Variants in B4GALNT3 observed in about 807,000 individuals in gnomAD.
B4GALNT3 encodes the protein beta-1,4-N-acetylgalactosaminyltransferase 3.
B4GALNT3 carries 86 observed loss-of-function variants against 120.2 expected under a neutral mutation model. The ratio of observed to expected loss-of-function variants is 0.72; its 90% CI spans 0.60 to 0.86. The LOEUF (loss-of-function observed/expected upper bound fraction) is 0.86. B4GALNT3 is among the 40% of genes least tolerant of loss of function. The pLI is 0.00. For synonymous variants in B4GALNT3, 518 were observed against 510.4 expected (o/e 1.01, Z -0.20); for missense variants, 1,167 against 1,298.9 (o/e 0.90, Z 1.56).
At position 548,177 on chromosome 12, in the gene B4GALNT3, T is replaced by G; in HGVS notation, c.787-54T>G. On this transcript the variant is annotated intron_variant, in intron 8 of 19. Transcript: ENST00000266383. The surrounding 1 kb of genome is among the most constrained non-coding windows in gnomAD (Gnocchi z 4.9). Reference sequence around the variant, plus strand: ...TCTCCCCTTGTCCCTTGACCCCTGTTGGAAATCCAGCTACCTCCCACCTTC... The same window carrying G: ...TCTCCCCTTGTCCCTTGACCCCTGTGGGAAATCCAGCTACCTCCCACCTTC... The G allele has an allele frequency of 6.2e-7, 1 of 1,608,950 alleles. No homozygotes were observed. The highest frequency in any genetic ancestry group is 1.1e-5 in the South Asian group (1 of 90,974).
chr12:545,973 G>A (rs1946999921), intron 6 of B4GALNT3, among the ~76,000 whole-genome samples: 1 of 116,188 alleles, frequency 8.6e-6, no homozygotes, highest in African/African-American at 3.4e-5. Context: ...GGAGGTGAGA[G>A]GAGTGGGGAG....
chr12:553,096 C>T (rs770190276), intron 13 of B4GALNT3, 98 bp from the exon 14 acceptor site: 1 of 1,515,264 alleles, frequency 6.6e-7, no homozygotes, highest in Non-Finnish European at 8.9e-7. Flanking sequence ...TCTGGAGCCC[C>T]ATGGTGCGTC....
At chr12:495,846 A>G (rs958363698) in intron 1 of B4GALNT3, among the ~76,000 whole-genome samples, 1 of 152,198 alleles carries the variant, frequency 6.6e-6, no homozygotes, top group African/African-American at 2.4e-5. Flanking sequence ...TGAGGAGTGC[A>G]GCAGGTGCTC....
At chr12:534,127 T>C (rs769309729) in intron 1 of B4GALNT3, among the ~76,000 whole-genome samples, 2 of 152,184 alleles carry the variant, frequency 1.3e-5, no homozygotes, top group African/African-American at 2.4e-5. Flanking sequence ...GGGAGCTCAG[T>C]GGAAATCCGT....
chr12:515,058 GA>G (rs1267541610), intron 1 of B4GALNT3, among the ~76,000 whole-genome samples: 1 of 152,180 alleles, frequency 6.6e-6, no homozygotes, highest in Non-Finnish European at 1.5e-5. Context: ...TGGAACCAAA[GA>G]CCTTGAGTTC....
At chr12:511,607 TCGAC>T in intron 1 of B4GALNT3, among the ~76,000 whole-genome samples, 1 of 106,242 alleles carries the variant, frequency 9.4e-6, no homozygotes, top group Non-Finnish European at 2.0e-5. Context: ...CCTTCCACCT[TCGAC>T]CTTCTTCCAC....
chr12:524,429 A>G (rs778186125), intron 1 of B4GALNT3, among the ~76,000 whole-genome samples: 3 of 152,162 alleles, frequency 2.0e-5, no homozygotes, highest in Non-Finnish European at 4.4e-5. Flanking sequence ...TAAGATCCTT[A>G]AAAGAGTGTG....
chr12:533,812 C>A (rs76671120), intron 1 of B4GALNT3, among the ~76,000 whole-genome samples: 1 of 152,232 alleles, frequency 6.6e-6, no homozygotes, highest in Non-Finnish European at 1.5e-5. Flanking sequence ...AGCACTCTCA[C>A]CCCACACCTG....
intron 1 of B4GALNT3, among the ~76,000 whole-genome samples, chr12:463,627 G>A (rs1213963686): frequency 1.3e-5 from 2 of 152,250 alleles, no homozygotes; most frequent in East Asian, 3.9e-4. Context: ...TGCAAACATA[G>A]GACGCATATG....
intron 17 of B4GALNT3, 83 bp from the exon 18 acceptor site, chr12:558,425 C>A: frequency 7.4e-7 from 1 of 1,352,612 alleles, no homozygotes; most frequent in Non-Finnish European, 1.0e-6. Context: ...ATAGGGAAGA[C>A]TCCGAGGCTT....
intron 1 of B4GALNT3, among the ~76,000 whole-genome samples, chr12:494,662 G>A (rs1336405617): frequency 1.3e-5 from 2 of 152,092 alleles, no homozygotes; most frequent in East Asian, 3.8e-4. Flanking sequence ...AGTACTGGAC[G>A]CTGGGACATT....
intron 1 of B4GALNT3, among the ~76,000 whole-genome samples, chr12:479,683 T>C (rs1946216254): frequency 6.6e-6 from 1 of 152,060 alleles, no homozygotes; most frequent in South Asian, 2.1e-4. Flanking sequence ...TACTGGTGAA[T>C]TGTGTTAACT....
In B4GALNT3 at chr12:550,896, C is replaced by T. The variant is rs2120717857; in HGVS notation, c.998-26C>T. The stretch of plus-strand genomic sequence containing the variant: ...CCAGTTTCGTGCTCACCCTCACCCT[C>T]ACTCCTCCTCCTCCACTGTCCTCAG... On this transcript the variant is annotated intron_variant, in intron 10 of 19. Coordinates refer to ENST00000266383, the MANE Select transcript of B4GALNT3 (RefSeq NM_173593.4). This position sits in a 1 kb window ranked among gnomAD's most constrained non-coding sequence, Gnocchi z 4.1. 2.6e-6 allele frequency: 4 copies of T among 1,562,958 alleles called. No individual in the cohort carries two copies. The highest frequency in any genetic ancestry group is 1.7e-5 in the Admixed American group (1 of 59,824).
intron 1 of B4GALNT3, among the ~76,000 whole-genome samples, chr12:526,805 G>A (rs1401459541): frequency 6.6e-6 from 1 of 152,188 alleles, no homozygotes; most frequent in Admixed American, 6.5e-5. Context: ...TTACTGAGCT[G>A]GGCTGGGTCC....
chr12:460,683 C>A lies in B4GALNT3; in HGVS notation c.169+138C>A. On this transcript the variant is annotated intron_variant, in intron 1 of 19. Coordinates refer to ENST00000266383, the MANE Select transcript of B4GALNT3 (RefSeq NM_173593.4). This position sits in a 1 kb window ranked among gnomAD's most constrained non-coding sequence, Gnocchi z 8.0. ...CTCCCTCAGGTGCCCGGCGTCGCCC[C>A]GCGCGTACTCGGGGAGAGCTGCGGG... 1.1e-6 allele frequency: 1 copy of A among 936,784 alleles called. No individual in the cohort carries two copies. Among genetic ancestry groups the A allele is most frequent in the Non-Finnish European group, 1.4e-6 (1 of 714,860 alleles). 58.0% of individuals were successfully genotyped at this position (936,784 alleles called of 1,614,324 possible). A position where few individuals can be genotyped will look rare whatever the true frequency, so the allele number is the denominator to read the frequency against.
intron 1 of B4GALNT3, among the ~76,000 whole-genome samples, 164 bp from the exon 2 acceptor site, chr12:535,002 A>G (rs1166487993): frequency 6.6e-6 from 1 of 152,184 alleles, no homozygotes; most frequent in Non-Finnish European, 1.5e-5. Flanking sequence ...GGCCTTGGCC[A>G]GTCTGCAGCT....
chr12:560,564 C>G (rs1330866234), intron 19 of B4GALNT3, among the ~76,000 whole-genome samples: 1 of 152,106 alleles, frequency 6.6e-6, no homozygotes, highest in African/African-American at 2.4e-5. Flanking sequence ...AGGTGACACA[C>G]TAAGAGAATT....
chr12:509,922 C>T (rs542836528), intron 1 of B4GALNT3, among the ~76,000 whole-genome samples: 2 of 152,338 alleles, frequency 1.3e-5, no homozygotes, highest in Admixed American at 1.3e-4. Flanking sequence ...TCATCCCTTG[C>T]TGCATTTCAC....
In B4GALNT3 at chr12:506,707, G is replaced by A. The variant is rs1380389560; in HGVS notation, c.170-28459G>A. Among the ~76,000 whole-genome samples the A allele has an allele frequency of 7.9e-5, 12 of 152,222 alleles. No individual in the cohort carries two copies. The East Asian group carries it at 1.9e-3, about 24-fold the overall frequency. ...GCTGGAGTGCAGTGGCGCGGTCTCG[G>A]CTCACTGCAAGCTCCGCCTCCCGGG... On this transcript the variant is annotated intron_variant, in intron 1 of 19. Transcript: ENST00000266383.
Sources: gnomAD v4.1 joint callset for allele counts (sites outside exome capture counted in the v4.1 genomes callset) on GRCh38, gnomAD v4.1.1 for gene constraint, Gnocchi (gnomAD v3.1) non-coding constraint, MANE v1.5 for transcripts, NCBI Gene and HGNC (gene_info 2026-07-23, HGNC 2026-07-21) for gene names.